CCDC171: variants seen among roughly 807,000 people sequenced by gnomAD.
CCDC171 encodes coiled-coil domain-containing protein 171.
CCDC171 carries 177 observed loss-of-function variants against 168.2 expected under a neutral mutation model. That is an observed-to-expected ratio of 1.05 (90% confidence interval 0.93 to 1.19). The LOEUF is 1.19. Among genes scored for constraint, CCDC171 ranks in the 50% most tolerant of loss-of-function variants. The probability of loss-of-function intolerance (pLI) is 0.00; values close to 1 mark genes in which losing one functional copy is unlikely to be tolerated. For synonymous variants in CCDC171, 687 were observed against 540.8 expected, an observed-to-expected ratio of 1.27 and a Z score of -3.75; for missense variants, 1,991 against 1,539.0, an observed-to-expected ratio of 1.29 and a Z score of -4.91.
intron 21 of CCDC171, among the ~76,000 whole-genome samples, chr9:15,823,141 C>T (rs1260071662): frequency 3.9e-5 from 6 of 151,920 alleles, no homozygotes; most frequent in Non-Finnish European, 8.8e-5. Flanking sequence ...ACAATGAGAA[C>T]ACATAGACAC....
At chr9:15,611,088 G>A (rs759129024) in intron 6 of CCDC171, among the ~76,000 whole-genome samples, 2 of 152,024 alleles carry the variant, frequency 1.3e-5, no homozygotes, top group Non-Finnish European at 2.9e-5. Context: ...TGAGCTCCAC[G>A]AGATCTGGTC....
chr9:15,922,784 A>T (rs1435620941), intron 25 of CCDC171, among the ~76,000 whole-genome samples: 7 of 151,540 alleles, frequency 4.6e-5, no homozygotes, highest in Non-Finnish European at 1.0e-4. Flanking sequence ...GTGATATCTC[A>T]TTGTGGTTTT....
At chr9:15,964,519 C>T (rs749773164) in intron 25 of CCDC171, among the ~76,000 whole-genome samples, 1 of 152,086 alleles carries the variant, frequency 6.6e-6, no homozygotes, top group Non-Finnish European at 1.5e-5. Flanking sequence ...CTGGCACTGT[C>T]TACCATCAGT....
intron 7 of CCDC171, among the ~76,000 whole-genome samples, chr9:15,634,222 ATAATT>A (rs1469804433): frequency 6.6e-6 from 1 of 152,156 alleles, no homozygotes; most frequent in Non-Finnish European, 1.5e-5. Context: ...AAAAAGAAAA[ATAATT>A]TAAATTTTTT....
At chr9:15,672,317 G>C (rs1276727656) in intron 9 of CCDC171, among the ~76,000 whole-genome samples, 2 of 152,066 alleles carry the variant, frequency 1.3e-5, no homozygotes, top group African/African-American at 4.8e-5. Flanking sequence ...TTACTCTGAT[G>C]ATACTTTCTT....
At chr9:15,872,508 C>G (rs927114288) in intron 23 of CCDC171, among the ~76,000 whole-genome samples, 1 of 151,984 alleles carries the variant, frequency 6.6e-6, no homozygotes, top group African/African-American at 2.4e-5. Flanking sequence ...TTTCCCCTCT[C>G]TTTGCCCGTA....
chr9:15,744,927 G>A, intron 17 of CCDC171, 150 bp downstream of exon 17: 2 of 763,124 alleles, frequency 2.6e-6, no homozygotes, highest in Non-Finnish European at 4.0e-6. Context: ...ATGTGTGTAT[G>A]GATAAGTGAA....
the CCDC171 span, among the ~76,000 whole-genome samples, chr9:16,092,898 C>T: frequency 1.6e-4 from 25 of 152,324 alleles, no homozygotes; most frequent in Admixed American, 1.0e-3. Flanking sequence ...GCCTCGTGCC[C>T]GGCTGGCCCT....
chr9:15,926,327 A>G (rs1418171846), intron 25 of CCDC171, among the ~76,000 whole-genome samples: 1 of 151,678 alleles, frequency 6.6e-6, no homozygotes, highest in Non-Finnish European at 1.5e-5. Flanking sequence ...CCTCTTAATT[A>G]AAGCCACCCA....
At chr9:15,707,064 C>G (rs2052302297) in intron 11 of CCDC171, among the ~76,000 whole-genome samples, 2 of 152,128 alleles carry the variant, frequency 1.3e-5, no homozygotes. Flanking sequence ...TAGCTGGTAT[C>G]TTTTTAACTA....
Position 15,902,262 on chromosome 9 carries a change from GTATATATATA to G in CCDC171, c.3601-17997_3601-17988del, listed in dbSNP as rs1168245282. 1.3e-4 allele frequency among the ~76,000 whole-genome samples: 18 copies of G among 143,000 alleles called. No homozygotes were observed. The East Asian group carries it at 3.6e-3, about 29-fold the overall frequency. 93.8% of individuals were successfully genotyped at this position (143,000 alleles called of 152,430 possible). The stretch of plus-strand genomic sequence containing the variant: ...ATAAAATTCATATATATATATATAT[GTATATATATA>G]TATATATATACACACACACACACAC... On this transcript the variant is annotated intron_variant, in intron 24 of 25. Coordinates refer to ENST00000380701, the MANE Select transcript of CCDC171 (RefSeq NM_173550.4).
chr9:16,050,240 T>C (rs1263455710), intron 1 of CCDC171, among the ~76,000 whole-genome samples: 7 of 152,226 alleles, frequency 4.6e-5, no homozygotes, highest in Non-Finnish European at 7.3e-5. Flanking sequence ...TGTTGATAAG[T>C]CAAGTGTATG....
chr9:15,792,565 G>A (rs1330660310), intron 21 of CCDC171, among the ~76,000 whole-genome samples: 2 of 152,174 alleles, frequency 1.3e-5, no homozygotes, highest in Admixed American at 6.5e-5. Flanking sequence ...GTTAAGGGCA[G>A]CCAGAGAGAA....
chr9:15,999,244 AAAAGAAAGAAAGAGAGAAAGAGAAAG>A (rs553446694), intron 3 of CCDC171, among the ~76,000 whole-genome samples: 150 of 151,392 alleles, frequency 9.9e-4, no homozygotes, highest in Non-Finnish European at 1.9e-3. Flanking sequence ...AGATAGAAAG[AAAAGAAAGAAAGAGAGAAAGAGAAAG>A]AAAGAAAGAA....
intron 1 of CCDC171, among the ~76,000 whole-genome samples, chr9:16,043,385 A>G (rs1254205747): frequency 6.6e-6 from 1 of 152,180 alleles, no homozygotes; most frequent in Non-Finnish European, 1.5e-5. Flanking sequence ...ACCAACATTT[A>G]TTTGGGGTGT....
chr9:15,984,973 T>C lies in CCDC171; in HGVS notation n.369-35616T>C, dbSNP rs117199537. Among the ~76,000 whole-genome samples the C allele has an allele frequency of 5.2e-3, 792 of 152,308 alleles. 4 individuals carry two copies. Among genetic ancestry groups the C allele is most frequent in the Non-Finnish European group, 8.7e-3 (595 of 68,020 alleles). ...GATGTATTTCTATATTTATACATAA[T>C]ATAAATATCTATGTTGGTACATATA... On this transcript the variant is annotated intron_variant and non_coding_transcript_variant, in intron 3 of 9. Transcript: ENST00000486641.
chr9:15,585,969 C>CTT (rs1044576209), intron 4 of CCDC171, among the ~76,000 whole-genome samples: 1 of 152,072 alleles, frequency 6.6e-6, no homozygotes, highest in Non-Finnish European at 1.5e-5. Context: ...GAGTGAGACT[C>CTT]TGTCTCAAAA....
chr9:15,881,353 C>G (rs913257209), intron 24 of CCDC171, among the ~76,000 whole-genome samples: 42 of 152,098 alleles, frequency 2.8e-4, no homozygotes, highest in African/African-American at 9.9e-4. Flanking sequence ...AAATTTGATG[C>G]ATAATAGATG....
At chr9:15,991,797 A>T (rs987969267) in intron 3 of CCDC171, among the ~76,000 whole-genome samples, 1 of 152,216 alleles carries the variant, frequency 6.6e-6, no homozygotes, top group African/African-American at 2.4e-5. Flanking sequence ...AATACTATAA[A>T]CACCTCTACA....
Sources: allele counts gnomAD v4.1 joint callset (sites outside exome capture counted in the v4.1 genomes callset), GRCh38; gene constraint gnomAD v4.1.1; transcripts MANE v1.5; gene names NCBI Gene and HGNC (gene_info 2026-07-23, HGNC 2026-07-21).